The following PRMT8 variants were observed in gnomAD, a reference collection of about 807,000 sequenced individuals.
The protein encoded by PRMT8 is protein arginine methyltransferase 8, also known as protein arginine N-methyltransferase 8.
A neutral mutation model predicts 47.1 loss-of-function variants in PRMT8; 7 were observed. The observed-to-expected ratio is 0.15, with a 90% CI of 0.08 to 0.28. PRMT8 has a LOEUF of 0.28. Ranked by LOEUF, PRMT8 falls within the 10% of genes least tolerant of loss-of-function variation. The pLI is 1.00. For synonymous variants in PRMT8, 188 were observed against 186.5 expected, an observed-to-expected ratio of 1.01 and a Z score of -0.07; for missense variants, 237 against 505.4, an observed-to-expected ratio of 0.47 and a Z score of 5.09.
At chr12:3,435,991 A>T (rs535043000) in intron 1 of PRMT8, among the ~76,000 whole-genome samples, 1 of 152,196 alleles carries the variant, frequency 6.6e-6, no homozygotes, top group East Asian at 1.9e-4. Context: ...TGTCCAATTT[A>T]TTCCTCCTCA....
rs553668148 is a variant in PRMT8, at chr12:3,436,593, C to G, written c.48+55151C>G. Among the ~76,000 whole-genome samples the G allele has an allele frequency of 6.6e-6, 1 of 152,122 alleles. No homozygotes were observed. The highest frequency in any genetic ancestry group is 1.5e-5 in the Non-Finnish European group (1 of 68,030). ...TTCTAAGAGGAGGCAGGAATGCGGC[C>G]GACTGGGCTCCACTGTCCCCTTTTG... On this transcript the variant is annotated intron_variant, in intron 1 of 9. Coordinates refer to the PRMT8 transcript ENST00000452611. The surrounding 1 kb of genome is among the most constrained non-coding windows in gnomAD (Gnocchi z 4.2).
intron 1 of PRMT8, among the ~76,000 whole-genome samples, chr12:3,432,448 G>C (rs561538196): frequency 1.3e-5 from 2 of 152,276 alleles, no homozygotes; most frequent in African/African-American, 4.8e-5. Context: ...GAATTCCACC[G>C]GGGAAAGACA....
chr12:3,392,782 G>A (rs988602097), intron 1 of PRMT8, among the ~76,000 whole-genome samples: 3 of 151,814 alleles, frequency 2.0e-5, no homozygotes, highest in African/African-American at 4.8e-5. Context: ...CTGAGGAATC[G>A]CCACACTGAC....
chr12:3,394,065 C>G (rs1864222475), intron 1 of PRMT8, among the ~76,000 whole-genome samples: 1 of 144,070 alleles, frequency 6.9e-6, no homozygotes, highest in South Asian at 2.4e-4. Context: ...GATTTTGTAT[C>G]CTGAGACTTT....
intron 1 of PRMT8, among the ~76,000 whole-genome samples, chr12:3,450,840 T>C (rs1443043365): frequency 1.3e-5 from 2 of 152,224 alleles, no homozygotes; most frequent in Admixed American, 6.5e-5. Context: ...CAAGTGAAAT[T>C]GGCTTTCTTT....
chr12:3,441,454 G>A (rs1864800618), intron 1 of PRMT8, among the ~76,000 whole-genome samples: 2 of 152,176 alleles, frequency 1.3e-5, no homozygotes, highest in Admixed American at 1.3e-4. Context: ...TGCACTTGCT[G>A]TTCCTTCTGT....
intron 1 of PRMT8, among the ~76,000 whole-genome samples, chr12:3,519,203 T>C (rs1865841842): frequency 6.8e-6 from 1 of 147,898 alleles, no homozygotes; most frequent in Non-Finnish European, 1.5e-5. Flanking sequence ...AAAAACTAAG[T>C]GTAAGGGAAA....
rs569974414 is a variant in PRMT8 at position 3,453,998 on chromosome 12, G to A, written c.48+72556G>A. Among the ~76,000 whole-genome samples, 1 of 152,282 alleles carries A rather than the reference G, an allele frequency of 6.6e-6. No individual in the cohort carries two copies. The highest frequency in any genetic ancestry group is 2.1e-4 in the South Asian group (1 of 4,832). ...CGACGTGCTCGGGTCACCTCAGGGC[G>A]GAGGGTTTGCAGGAAGGCCAGGCAC... On this transcript the variant is annotated intron_variant, in intron 1 of 9. Coordinates refer to the PRMT8 transcript ENST00000452611. The surrounding 1 kb of genome is among the most constrained non-coding windows in gnomAD (Gnocchi z 4.9).
intron 3 of PRMT8, chr12:3,553,230 C>G (rs1157688100): frequency 4.3e-6 from 1 of 235,272 alleles, no homozygotes; most frequent in African/African-American, 2.3e-5. Context: ...CTCGTTTACC[C>G]TGGAAGGGCT....
intron 1 of PRMT8, among the ~76,000 whole-genome samples, chr12:3,469,824 A>G (rs1199968317): frequency 6.6e-6 from 1 of 152,184 alleles, no homozygotes; most frequent in Non-Finnish European, 1.5e-5. Context: ...ATGTGTATTC[A>G]TCAAGCAGAG....
intron 1 of PRMT8, chr12:3,469,268 C>A: frequency 2.3e-6 from 1 of 430,232 alleles, no homozygotes; most frequent in South Asian, 1.9e-5. Flanking sequence ...TCACGTGCTG[C>A]CTCACGACCC....
At chr12:3,402,006 A>G (rs967628941) in intron 1 of PRMT8, among the ~76,000 whole-genome samples, 2 of 152,234 alleles carry the variant, frequency 1.3e-5, no homozygotes, top group Non-Finnish European at 2.9e-5. Flanking sequence ...GAACCAAAAA[A>G]GAGCCCAAAT....
intron 1 of PRMT8, among the ~76,000 whole-genome samples, chr12:3,461,365 GA>G (rs1381244860): frequency 6.6e-6 from 1 of 152,198 alleles, no homozygotes; most frequent in Non-Finnish European, 1.5e-5. Flanking sequence ...TGAAGATTTG[GA>G]AAAGGATGTG....
chr12:3,561,903 T>C (rs1304964762), intron 4 of PRMT8, among the ~76,000 whole-genome samples: 1 of 152,202 alleles, frequency 6.6e-6, no homozygotes. Flanking sequence ...TTGCTGTTTG[T>C]ATAACTGTGG....
intron 1 of PRMT8, among the ~76,000 whole-genome samples, chr12:3,526,829 C>A (rs1865955724): frequency 6.6e-6 from 1 of 152,092 alleles, no homozygotes; most frequent in African/African-American, 2.4e-5. Context: ...TCAGAATTAA[C>A]ATGGTATATA....
intron 1 of PRMT8, among the ~76,000 whole-genome samples, chr12:3,387,262 C>T (rs1392834168): frequency 6.6e-6 from 1 of 152,086 alleles, no homozygotes; most frequent in Non-Finnish European, 1.5e-5. Context: ...ATTTCATCAG[C>T]GGATGAAAGA....
intron 1 of PRMT8, among the ~76,000 whole-genome samples, chr12:3,415,702 A>G (rs192592528): frequency 5.1e-4 from 78 of 152,348 alleles, no homozygotes; most frequent in African/African-American, 1.4e-3. Context: ...CTACAGAGAG[A>G]TGATTGCAAA....
intron 6 of PRMT8, among the ~76,000 whole-genome samples, chr12:3,573,793 T>G (rs1866892372): frequency 6.6e-6 from 1 of 152,336 alleles, no homozygotes; most frequent in Non-Finnish European, 1.5e-5. Flanking sequence ...CTGATATTAT[T>G]TTTTAATTTC....
At chr12:3,429,662 G>A (rs775062598) in intron 1 of PRMT8, among the ~76,000 whole-genome samples, 78 of 152,208 alleles carry the variant, frequency 5.1e-4, no homozygotes, top group Non-Finnish European at 6.9e-4. Flanking sequence ...ATCAGGCCAC[G>A]CTTCCACTCA....
Sources: gnomAD v4.1 joint callset for allele counts (sites outside exome capture counted in the v4.1 genomes callset) on GRCh38, gnomAD v4.1.1 for gene constraint, Gnocchi (gnomAD v3.1) non-coding constraint, MANE v1.5 for transcripts, NCBI Gene and HGNC (gene_info 2026-07-23, HGNC 2026-07-21) for gene names.